Variants in CSNK1G3 observed in about 807,000 individuals in gnomAD.
CSNK1G3 encodes the protein casein kinase 1 gamma 3.
CSNK1G3 carries 23 observed loss-of-function variants against 64.3 expected under a neutral mutation model. The ratio of observed to expected loss-of-function variants is 0.36; its 90% CI spans 0.26 to 0.51. CSNK1G3 has a LOEUF of 0.51. Among genes scored for constraint, CSNK1G3 ranks in the 20% least tolerant of loss-of-function variants. The probability of loss-of-function intolerance (pLI) is 0.96; values close to 1 mark genes in which losing one functional copy is unlikely to be tolerated. For synonymous variants in CSNK1G3, 158 were observed against 162.2 expected, an observed-to-expected ratio of 0.97 and a Z score of 0.20; for missense variants, 357 against 510.5, an observed-to-expected ratio of 0.70 and a Z score of 2.90.
intron 1 of CSNK1G3, among the ~76,000 whole-genome samples, chr5:123,513,193 C>CT (rs1776560056): frequency 6.6e-6 from 1 of 152,146 alleles, no homozygotes; most frequent in East Asian, 1.9e-4. Context: ...CAAAATCACT[C>CT]TGATGGTTAC....
intron 6 of CSNK1G3, among the ~76,000 whole-genome samples, chr5:123,581,203 A>G (rs887157395): frequency 6.6e-6 from 1 of 151,400 alleles, no homozygotes; most frequent in African/African-American, 2.4e-5. Flanking sequence ...TATTTTCTTG[A>G]TGTTTCAGGG....
At chr5:123,550,160 C>T (rs533477040) in intron 2 of CSNK1G3, among the ~76,000 whole-genome samples, 38 of 152,206 alleles carry the variant, frequency 2.5e-4, no homozygotes, top group East Asian at 1.2e-3. Context: ...GACTGTAAGA[C>T]GGTAACGAAA....
At chr5:123,577,064 G>T (rs1167462176) in intron 6 of CSNK1G3, among the ~76,000 whole-genome samples, 1 of 151,988 alleles carries the variant, frequency 6.6e-6, no homozygotes. Flanking sequence ...TAGCCAAAGG[G>T]TTCCAGATTT....
rs957991220 is a variant in CSNK1G3 at position 123,591,538 on chromosome 5, C to G, written c.1086+124C>G. The G allele has an allele frequency of 2.9e-5, 16 of 543,724 alleles. No homozygotes were observed. The Admixed American group carries it at 4.6e-4, about 16-fold the overall frequency. The allele number at this position is 543,724 out of a possible 1,614,324, so 33.7% of individuals were successfully genotyped here. A position where few individuals can be genotyped will look rare whatever the true frequency, so the allele number is the denominator to read the frequency against. On this transcript the variant is annotated intron_variant, in intron 10 of 12. Transcript: ENST00000345990. The stretch of plus-strand genomic sequence containing the variant: ...ATTTTTAATAGATAATCTATTTTCT[C>G]TTAATTTCACTGTTTATTAGTTTAA...
rs1192169071 is a variant in CSNK1G3 at position 123,520,502 on chromosome 5, A to G, written c.-248+7932A>G. Reference sequence around the variant, plus strand: ...TTTTTTTTTTTTTTTTGAGGGGGGTAGAATCTTGGGGTGGGATGTGTTTTC... The same window carrying G: ...TTTTTTTTTTTTTTTTGAGGGGGGTGGAATCTTGGGGTGGGATGTGTTTTC... On this transcript the variant is annotated intron_variant, in intron 1 of 12. Coordinates refer to ENST00000345990, the Ensembl canonical transcript of CSNK1G3. Among the ~76,000 whole-genome samples the G allele has an allele frequency of 3.3e-4, 49 of 148,438 alleles. No individual in the cohort carries two copies. In the East Asian group the frequency reaches 7.7e-3, roughly 23 times the overall value.
chr5:123,524,923 G>A (rs928529923), intron 1 of CSNK1G3, among the ~76,000 whole-genome samples: 3 of 152,120 alleles, frequency 2.0e-5, no homozygotes, highest in African/African-American at 7.2e-5. Flanking sequence ...GTGTTTTCAA[G>A]TTCAGCAAGA....
intron 10 of CSNK1G3, among the ~76,000 whole-genome samples, chr5:123,603,757 G>C (rs1319516111): frequency 2.6e-5 from 4 of 152,106 alleles, no homozygotes; most frequent in African/African-American, 9.7e-5. Flanking sequence ...AATAGGTAAT[G>C]CCAAGGCCTT....
At chr5:123,554,258 A>G (rs1784206120) in intron 3 of CSNK1G3, among the ~76,000 whole-genome samples, 2 of 152,160 alleles carry the variant, frequency 1.3e-5, no homozygotes, top group South Asian at 4.1e-4. Context: ...TACCTAGATG[A>G]GTCCGTCTTG....
chr5:123,583,855 T>TA (rs869224552), intron 6 of CSNK1G3, among the ~76,000 whole-genome samples: 1 of 151,792 alleles, frequency 6.6e-6, no homozygotes, highest in Non-Finnish European at 1.5e-5. Context: ...ACCAGCTAAT[T>TA]AAAAAAAATT....
intron 10 of CSNK1G3, among the ~76,000 whole-genome samples, chr5:123,604,301 A>G (rs1794979969): frequency 6.6e-6 from 1 of 152,094 alleles, no homozygotes; most frequent in Admixed American, 6.6e-5. Context: ...ATAATTGCAG[A>G]TTGAAGTGAA....
chr5:123,596,468 G>T (rs1166181167), intron 10 of CSNK1G3, among the ~76,000 whole-genome samples: 1 of 151,962 alleles, frequency 6.6e-6, no homozygotes, highest in Non-Finnish European at 1.5e-5. Context: ...AACAATTAAG[G>T]CACTATTAGA....
chr5:123,547,486 A>G (rs1324140002), intron 2 of CSNK1G3, among the ~76,000 whole-genome samples: 6 of 152,226 alleles, frequency 3.9e-5, no homozygotes, highest in African/African-American at 1.4e-4. Context: ...AAGCTAGTTG[A>G]CCATTTTAAC....
At chr5:123,557,441 A>T in intron 3 of CSNK1G3, 54 bp from the exon 4 acceptor site, 1 of 1,320,716 alleles carries the variant, frequency 7.6e-7, no homozygotes, top group Non-Finnish European at 1.1e-6. Context: ...TTGTGTTGGG[A>T]CCTAGTGCTC....
intron 6 of CSNK1G3, among the ~76,000 whole-genome samples, chr5:123,576,546 T>C (rs916510288): frequency 3.3e-5 from 5 of 152,164 alleles, no homozygotes; most frequent in African/African-American, 1.2e-4. Context: ...CCCAGATTCA[T>C]ATTTATCATA....
At chr5:123,564,960 A>C (rs1786540712) in intron 4 of CSNK1G3, among the ~76,000 whole-genome samples, 1 of 152,150 alleles carries the variant, frequency 6.6e-6, no homozygotes, top group South Asian at 2.1e-4. Context: ...ATCTCAGAGC[A>C]CTTTTGTTGT....
At chr5:123,599,079 TA>T (rs1793969555) in intron 10 of CSNK1G3, among the ~76,000 whole-genome samples, 1 of 152,206 alleles carries the variant, frequency 6.6e-6, no homozygotes, top group Admixed American at 6.5e-5. Context: ...TAGTAATCTC[TA>T]ATTCCATTTT....
At chr5:123,599,610 A>T (rs897917164) in intron 10 of CSNK1G3, among the ~76,000 whole-genome samples, 2 of 152,206 alleles carry the variant, frequency 1.3e-5, no homozygotes. Flanking sequence ...TGACCTTTCT[A>T]AAACATTTCT....
chr5:123,615,465 C>A (rs1161646680), exon 13 of CSNK1G3: 2 of 152,566 alleles, frequency 1.3e-5, no homozygotes, highest in Non-Finnish European at 2.9e-5. Flanking sequence ...ACATTAGTCT[C>A]TTGTATTCAA....
intron 1 of CSNK1G3, among the ~76,000 whole-genome samples, chr5:123,542,137 G>A (rs1781764429): frequency 6.6e-6 from 1 of 151,884 alleles, no homozygotes; most frequent in South Asian, 2.1e-4. Context: ...TATATTTATT[G>A]TGTAGAACAT....
Sources: gnomAD v4.1 joint callset for allele counts (sites outside exome capture counted in the v4.1 genomes callset) on GRCh38, gnomAD v4.1.1 for gene constraint, MANE v1.5 for transcripts, NCBI Gene and HGNC (gene_info 2026-07-23, HGNC 2026-07-21) for gene names.